TMEM132B: variants seen among roughly 807,000 people sequenced by gnomAD.
TMEM132B encodes the protein transmembrane protein 132B.
In TMEM132B, 18 loss-of-function variants were observed where a neutral mutation model predicts 90.8. The observed-to-expected ratio is 0.20, with a 90% CI of 0.14 to 0.29. The LOEUF is 0.29. Ranked by LOEUF, TMEM132B falls within the 10% of genes least tolerant of loss-of-function variation. TMEM132B has a pLI of 1.00. For synonymous variants in TMEM132B, 504 were observed against 523.3 expected, an observed-to-expected ratio of 0.96 and a Z score of 0.50; for missense variants, 1,096 against 1,326.8, an observed-to-expected ratio of 0.83 and a Z score of 2.70.
intron 3 of TMEM132B, among the ~76,000 whole-genome samples, chr12:125,494,198 G>A (rs1315804837): frequency 3.5e-4 from 40 of 113,328 alleles, no homozygotes; most frequent in African/African-American, 4.6e-4. Context: ...CTCCTCCCTG[G>A]AAATGGATGC....
chr12:125,239,037 G>A (rs922839872), intron 1 of TMEM132B, among the ~76,000 whole-genome samples: 4 of 152,170 alleles, frequency 2.6e-5, no homozygotes, highest in Non-Finnish European at 5.9e-5. Context: ...AACGTGTTCA[G>A]GGAGAGCATG....
At chr12:125,358,226 A>G (rs1877848788) in intron 2 of TMEM132B, among the ~76,000 whole-genome samples, 1 of 152,150 alleles carries the variant, frequency 6.6e-6, no homozygotes, top group South Asian at 2.1e-4. Flanking sequence ...AGGAAACCAC[A>G]GTATGTAAGA....
intron 4 of TMEM132B, among the ~76,000 whole-genome samples, chr12:125,557,976 G>T (rs1884432172): frequency 6.6e-6 from 1 of 152,194 alleles, no homozygotes; most frequent in Non-Finnish European, 1.5e-5. Context: ...AGTAGCTTAT[G>T]GGGCAGATGT....
At chr12:125,594,066 T>G (rs1172859232) in intron 5 of TMEM132B, among the ~76,000 whole-genome samples, 1 of 152,190 alleles carries the variant, frequency 6.6e-6, no homozygotes, top group African/African-American at 2.4e-5. Context: ...CTTCTGCCCC[T>G]CTCCACTTGT....
Position 125,458,295 on chromosome 12 carries a change from A to G in TMEM132B, c.1106+42618A>G, listed in dbSNP as rs755996159. 6.6e-6 allele frequency among the ~76,000 whole-genome samples: 1 copy of G among 152,112 alleles called. No homozygotes were observed. The highest frequency in any genetic ancestry group is 1.5e-5 in the Non-Finnish European group (1 of 68,018). Reference sequence around the variant, plus strand: ...GTCATGTGCGTTTATTATAAAGTGCAGCTCAGGAGCTTGTGTCCATGACAG... The same window carrying G: ...GTCATGTGCGTTTATTATAAAGTGCGGCTCAGGAGCTTGTGTCCATGACAG... On this transcript the variant is annotated intron_variant, in intron 3 of 8. Transcript: ENST00000682704. The surrounding 1 kb of genome is among the most constrained non-coding windows in gnomAD (Gnocchi z 4.9).
intron 3 of TMEM132B, among the ~76,000 whole-genome samples, chr12:125,421,628 C>A (rs533460696): frequency 6.6e-6 from 1 of 152,202 alleles, no homozygotes; most frequent in East Asian, 1.9e-4. Context: ...ATTGGAAAAT[C>A]TGGAAAATCC....
chr12:125,276,824 A>G (rs1223813007), intron 1 of TMEM132B, among the ~76,000 whole-genome samples: 1 of 152,152 alleles, frequency 6.6e-6, no homozygotes, highest in Non-Finnish European at 1.5e-5. Flanking sequence ...GGCACGTGTA[A>G]TGTTTAAGTC....
chr12:125,527,212 ATCCAT>A (rs1883498385), intron 4 of TMEM132B, among the ~76,000 whole-genome samples: 2 of 96,768 alleles, frequency 2.1e-5, no homozygotes, highest in African/African-American at 8.5e-5. Context: ...CCTTCCATCC[ATCCAT>A]CCACCCATCC....
intron 4 of TMEM132B, among the ~76,000 whole-genome samples, chr12:125,537,923 A>G (rs931256876): frequency 6.6e-6 from 1 of 152,106 alleles, no homozygotes; most frequent in Non-Finnish European, 1.5e-5. Context: ...CCCAGAGGCC[A>G]CTTGACTCCA....
At chr12:125,494,140 A>C (rs1234786257) in intron 3 of TMEM132B, among the ~76,000 whole-genome samples, 2 of 51,012 alleles carry the variant, frequency 3.9e-5, no homozygotes, top group Non-Finnish European at 3.7e-5. Context: ...AAATGGATGC[A>C]TCCCCTCCTC....
chr12:125,347,728 G>GA (rs904285194), intron 1 of TMEM132B, among the ~76,000 whole-genome samples: 46 of 151,994 alleles, frequency 3.0e-4, no homozygotes, highest in Non-Finnish European at 5.7e-4. Flanking sequence ...TAGGGCAAAA[G>GA]AAAAAAAAGT....
intron 1 of TMEM132B, among the ~76,000 whole-genome samples, chr12:125,319,245 C>T (rs326383): frequency 0.25 from 37,491 of 152,168 alleles, 5,442 homozygotes; most frequent in African/African-American, 0.4. Flanking sequence ...AGCTCAGAGC[C>T]GGTGGCAGTG....
At chr12:125,343,699 T>C (rs1336239394) in intron 1 of TMEM132B, among the ~76,000 whole-genome samples, 1 of 152,248 alleles carries the variant, frequency 6.6e-6, no homozygotes, top group East Asian at 1.9e-4. Flanking sequence ...TCAACTGGCA[T>C]GACTGGTAAA....
chr12:125,434,106 A>G (rs556842546), intron 3 of TMEM132B, among the ~76,000 whole-genome samples: 2 of 152,238 alleles, frequency 1.3e-5, no homozygotes, highest in East Asian at 3.9e-4. Context: ...CCCTCCTGAC[A>G]GCTCTCTGGG....
intron 1 of TMEM132B, among the ~76,000 whole-genome samples, chr12:125,240,513 G>A (rs567035963): frequency 3.3e-5 from 5 of 152,234 alleles, no homozygotes; most frequent in South Asian, 4.2e-4. Context: ...ACAAACCCAC[G>A]TGAGCAAAAC....
intron 4 of TMEM132B, among the ~76,000 whole-genome samples, chr12:125,573,328 C>T (rs1884850456): frequency 6.6e-6 from 1 of 152,180 alleles, no homozygotes; most frequent in South Asian, 2.1e-4. Context: ...TTCATGATTG[C>T]AGAGTTCACT....
Position 125,326,421 on chromosome 12 carries a change from C to T in TMEM132B, c.68-23031C>T. On this transcript the variant is annotated intron_variant, in intron 1 of 8. Coordinates refer to ENST00000682704, the MANE Select transcript of TMEM132B (RefSeq NM_001366854.1). ...GACTTGGTTGAAAAAGTCACTTGCCCTCCTTGTTGACCTGTTTCCAATGAA... is the reference window on the plus strand; with the variant it reads ...GACTTGGTTGAAAAAGTCACTTGCCTTCCTTGTTGACCTGTTTCCAATGAA... 4 of 637,136 alleles carry T rather than the reference C, an allele frequency of 6.3e-6. No individual in the cohort carries two copies. The East Asian group carries it at 8.5e-5, about 14-fold the overall frequency. The allele number at this position is 637,136 out of a possible 1,614,324, so 39.5% of individuals were successfully genotyped here. A position where few individuals can be genotyped will look rare whatever the true frequency, so the allele number is the denominator to read the frequency against.
At chr12:125,604,263 G>A (rs1056665670) in intron 5 of TMEM132B, among the ~76,000 whole-genome samples, 5 of 149,630 alleles carry the variant, frequency 3.3e-5, no homozygotes, top group Non-Finnish European at 7.5e-5. Flanking sequence ...ATACTATGCA[G>A]CCATAAAAGG....
intron 5 of TMEM132B, among the ~76,000 whole-genome samples, chr12:125,598,462 A>G (rs1043034175): frequency 1.3e-5 from 2 of 152,194 alleles, no homozygotes. Flanking sequence ...CTTTCAGTGT[A>G]AATCAATATG....
Sources: allele counts gnomAD v4.1 joint callset (sites outside exome capture counted in the v4.1 genomes callset), GRCh38; gene constraint gnomAD v4.1.1; non-coding constraint Gnocchi (gnomAD v3.1); transcripts MANE v1.5; gene names NCBI Gene and HGNC (gene_info 2026-07-23, HGNC 2026-07-21).